The following ENPP2 variants were observed in gnomAD, a reference collection of about 807,000 sequenced individuals.
The protein encoded by ENPP2 is autotaxin.
ENPP2 carries 51 observed loss-of-function variants against 120.2 expected under a neutral mutation model. The observed-to-expected ratio is 0.42, with a 90% confidence interval of 0.34 to 0.54. ENPP2 has a LOEUF of 0.54. ENPP2 is among the 20% of genes least tolerant of loss of function. The pLI is 0.04. For synonymous variants in ENPP2, 365 were observed against 366.4 expected, an observed-to-expected ratio of 1.00 and a Z score of 0.04; for missense variants, 920 against 1,066.5, an observed-to-expected ratio of 0.86 and a Z score of 1.91.
chr8:119,617,311 A>G lies in ENPP2; in HGVS notation c.578-68T>C, dbSNP rs1270436280. ...GAATTGCTTATAGAAAATCCATTTT[A>G]TAAACACTCAGACATGTGTTACCTT... is the stretch of plus-strand genomic sequence containing the variant. On this transcript the variant is annotated intron_variant, in intron 6 of 24. Coordinates refer to ENST00000075322, the MANE Select transcript of ENPP2 (RefSeq NM_001040092.3). 2.3e-6 allele frequency: 3 copies of G among 1,311,626 alleles called. No homozygotes were observed. The East Asian group carries it at 7.0e-5, about 30-fold the overall frequency. The allele number at this position is 1,311,626 out of a possible 1,614,324, so 81.2% of individuals were successfully genotyped here. A position where few individuals can be genotyped will look rare whatever the true frequency, so the allele number is the denominator to read the frequency against.
intron 1 of ENPP2, among the ~76,000 whole-genome samples, chr8:119,644,625 T>TATATACACAC (rs1327738777): frequency 1.9e-4 from 14 of 74,288 alleles, no homozygotes; most frequent in South Asian, 5.5e-4. Flanking sequence ...TATATATATA[T>TATATACACAC]ACACACACAC....
At chr8:119,658,190 A>C (rs1011193018) in intron 1 of ENPP2, among the ~76,000 whole-genome samples, 8 of 152,164 alleles carry the variant, frequency 5.3e-5, no homozygotes, top group Non-Finnish European at 1.0e-4. Context: ...TTTTTTCAAA[A>C]ATTGTATTTC....
At chr8:119,626,288 T>C (rs1354099418) in intron 3 of ENPP2, among the ~76,000 whole-genome samples, 1 of 151,930 alleles carries the variant, frequency 6.6e-6, no homozygotes, top group African/African-American at 2.4e-5. Context: ...ATAGAAAGGA[T>C]GAAGGTGAAG....
intron 8 of ENPP2, among the ~76,000 whole-genome samples, chr8:119,611,562 T>C (rs1034695225): frequency 1.3e-5 from 2 of 152,144 alleles, no homozygotes; most frequent in Non-Finnish European, 2.9e-5. Context: ...CCACCTACCC[T>C]AGGGGAAGCA....
At chr8:119,595,478 T>C (rs572707385) in intron 11 of ENPP2, among the ~76,000 whole-genome samples, 106 of 152,314 alleles carry the variant, frequency 7.0e-4, no homozygotes, top group African/African-American at 2.4e-3. Flanking sequence ...TAATCCACAT[T>C]GTCTTTGAGA....
At chr8:119,647,731 G>A (rs112045210) in intron 1 of ENPP2, among the ~76,000 whole-genome samples, 344 of 152,264 alleles carry the variant, frequency 2.3e-3, no homozygotes, top group African/African-American at 7.9e-3. Flanking sequence ...GTGGCCGGGC[G>A]CAGTGGCTCA....
In ENPP2 at chr8:119,587,031, T is replaced by C. The variant is rs1265314530; in HGVS notation, c.1239+13A>G. 3 of 1,607,616 alleles carry C rather than the reference T, an allele frequency of 1.9e-6. No individual in the cohort carries two copies. The highest frequency in any genetic ancestry group is 2.2e-5 in the East Asian group (1 of 44,776). On this transcript the variant is annotated intron_variant, in intron 14 of 24. Coordinates refer to ENST00000075322, the MANE Select transcript of ENPP2 (RefSeq NM_001040092.3). ...CTGGGCAGGGCAGAGGCGGGACAAC[T>C]GGAAACACTTACCGTGAGATTGGCA...
At chr8:119,665,054 C>T (rs1417013273) in intron 1 of ENPP2, among the ~76,000 whole-genome samples, 2 of 152,072 alleles carry the variant, frequency 1.3e-5, no homozygotes, top group African/African-American at 4.8e-5. Context: ...GTGTATGTTC[C>T]CGTGTTTAAA....
chr8:119,559,533 A>G (rs186158146), intron 24 of ENPP2, among the ~76,000 whole-genome samples: 24 of 152,214 alleles, frequency 1.6e-4, no homozygotes, highest in Non-Finnish European at 2.1e-4. Context: ...AATCTGTTCT[A>G]TAATTCATCA....
chr8:119,600,092 T>G (rs1563717189), intron 11 of ENPP2, among the ~76,000 whole-genome samples: 1 of 151,940 alleles, frequency 6.6e-6, no homozygotes, highest in African/African-American at 2.4e-5. Flanking sequence ...TATGTTACTT[T>G]GGGGGGGTGA....
intron 10 of ENPP2, 29 bp from the exon 11 acceptor site, chr8:119,600,779 T>C (rs1176371491): frequency 1.5e-6 from 2 of 1,302,078 alleles, no homozygotes; most frequent in African/African-American, 1.5e-5. Flanking sequence ...GTTCAGAATC[T>C]CTCCTAAACC....
chr8:119,563,046 G>A, intron 23 of ENPP2, 33 bp from the exon 24 acceptor site: 1 of 1,595,010 alleles, frequency 6.3e-7, no homozygotes, highest in Non-Finnish European at 8.6e-7. Context: ...AGTCACAGTT[G>A]ATGAGTTGAT....
At position 119,587,090 on chromosome 8, in the gene ENPP2, G is replaced by A. The variant is rs766893459; in HGVS notation, c.1208-15C>T. 1.6e-5 allele frequency: 26 copies of A among 1,601,516 alleles called. No individual in the cohort carries two copies. The highest frequency in any genetic ancestry group is 4.3e-6 in the Non-Finnish European group (5 of 1,173,600). ...TTTGGGGTCATCTGTTCAAAGAGAGGAGAAAGATTTCAAAAGAAATAACAA... is the reference window on the plus strand; with the variant it reads ...TTTGGGGTCATCTGTTCAAAGAGAGAAGAAAGATTTCAAAAGAAATAACAA... On this transcript the variant is annotated splice_polypyrimidine_tract_variant and intron_variant, in intron 13 of 24. Transcript: ENST00000075322.
intron 6 of ENPP2, 104 bp downstream of exon 6, chr8:119,617,362 C>G (rs1587490969): frequency 1.7e-6 from 2 of 1,151,984 alleles, no homozygotes; most frequent in Admixed American, 3.8e-5. Context: ...AATAATAAAA[C>G]ACATTTAAAA....
intron 19 of ENPP2, among the ~76,000 whole-genome samples, chr8:119,572,454 C>T (rs1815081365): frequency 6.6e-6 from 1 of 152,178 alleles, no homozygotes; most frequent in Non-Finnish European, 1.5e-5. Context: ...CTTGGACAAT[C>T]TATAGTCTCT....
intron 11 of ENPP2, chr8:119,596,059 A>G: frequency 2.0e-6 from 3 of 1,528,784 alleles, no homozygotes; most frequent in Non-Finnish European, 2.7e-6. Flanking sequence ...TCTGAGTCAG[A>G]TATAAAGCTT....
intron 9 of ENPP2, among the ~76,000 whole-genome samples, chr8:119,606,575 C>G (rs1160600580): frequency 6.6e-6 from 1 of 151,396 alleles, no homozygotes; most frequent in Non-Finnish European, 1.5e-5. Flanking sequence ...TCCAACCTAC[C>G]TACACTTACT....
chr8:119,597,623 A>G (rs1052233661), intron 11 of ENPP2, among the ~76,000 whole-genome samples: 2 of 152,226 alleles, frequency 1.3e-5, no homozygotes, highest in Non-Finnish European at 2.9e-5. Flanking sequence ...CTGAAGGTAG[A>G]GACTAGCCAG....
At position 119,600,740 on chromosome 8, in the gene ENPP2, A is replaced by G; in HGVS notation, c.910T>C (p.Tyr304His). The G allele has an allele frequency of 6.2e-7, 1 of 1,608,156 alleles. No individual in the cohort carries two copies. Among genetic ancestry groups the G allele is most frequent in the Non-Finnish European group, 8.5e-7 (1 of 1,174,608 alleles). ...TLPDHERPSV[Y>H]AFYSEQPDFS... is the part of the protein sequence containing the mutation. Reference sequence around the variant, plus strand: ...TCAGGTTGCTCAGAATAGAAGGCATAGACCGAAGGCCTATAAGAAAATTGG... The same window carrying G: ...TCAGGTTGCTCAGAATAGAAGGCATGGACCGAAGGCCTATAAGAAAATTGG... Residue 304 changes from tyrosine to histidine, a missense_variant, in exon 11 of 25, where the codon TAT becomes CAT. Tyr to His is a moderately conservative substitution (Grantham distance 83, BLOSUM62 2). Transcript: ENST00000075322.
Sources: allele counts gnomAD v4.1 joint callset (sites outside exome capture counted in the v4.1 genomes callset), GRCh38; gene constraint gnomAD v4.1.1; transcripts MANE v1.5; gene names NCBI Gene and HGNC (gene_info 2026-07-23, HGNC 2026-07-21).